Variants in TFEC observed in about 807,000 individuals in gnomAD.
The protein encoded by TFEC is transcription factor EC, also known as class E basic helix-loop-helix protein 34.
TFEC carries 31 observed loss-of-function variants against 41.6 expected under a neutral mutation model. The ratio of observed to expected loss-of-function variants is 0.74; its 90% CI spans 0.56 to 1.01. The LOEUF is 1.01. Among genes scored for constraint, TFEC ranks in the 50% least tolerant of loss-of-function variants. TFEC has a pLI of 0.00. For missense variants in TFEC, 402 were observed against 404.1 expected (o/e 0.99, Z 0.04); for synonymous variants, 143 against 140.6 (o/e 1.02, Z -0.12).
At chr7:116,149,400 G>C (rs915581106) in intron 1 of TFEC, among the ~76,000 whole-genome samples, 1 of 152,052 alleles carries the variant, frequency 6.6e-6, no homozygotes, top group Admixed American at 6.6e-5. Context: ...TAAACTATTA[G>C]AACTGAATCA....
At chr7:115,963,223 T>A (rs1041142019) in intron 3 of TFEC, among the ~76,000 whole-genome samples, 1 of 151,826 alleles carries the variant, frequency 6.6e-6, no homozygotes. Flanking sequence ...AATAAGCACA[T>A]GAAAAGATGC....
chr7:116,019,081 T>C (rs1795300607), intron 1 of TFEC, among the ~76,000 whole-genome samples: 1 of 151,680 alleles, frequency 6.6e-6, no homozygotes, highest in Admixed American at 6.6e-5. Flanking sequence ...AAATAGCCAA[T>C]GGATTAGGAG....
intron 1 of TFEC, among the ~76,000 whole-genome samples, chr7:116,144,865 C>T (rs1016172003): frequency 3.3e-5 from 5 of 152,150 alleles, no homozygotes; most frequent in African/African-American, 4.8e-5. Context: ...ACTGCAACAT[C>T]AGTTCTTACC....
chr7:116,126,900 G>T (rs1798221702), intron 1 of TFEC, among the ~76,000 whole-genome samples: 1 of 151,880 alleles, frequency 6.6e-6, no homozygotes, highest in African/African-American at 2.4e-5. Context: ...AGAGAATGAA[G>T]GACTCCTGAA....
intron 1 of TFEC, among the ~76,000 whole-genome samples, chr7:116,009,442 G>A (rs1794919484): frequency 6.6e-6 from 1 of 152,092 alleles, no homozygotes; most frequent in East Asian, 1.9e-4. Flanking sequence ...TGTGCTCACA[G>A]TTTAGCATTA....
At chr7:116,156,867 C>A (rs1798879292) in intron 1 of TFEC, among the ~76,000 whole-genome samples, 1 of 152,162 alleles carries the variant, frequency 6.6e-6, no homozygotes, top group Non-Finnish European at 1.5e-5. Flanking sequence ...ATTTTCACAT[C>A]CTGTGATCAA....
At chr7:116,107,757 A>G (rs1797754137) in intron 3 of TFEC, among the ~76,000 whole-genome samples, 1 of 152,172 alleles carries the variant, frequency 6.6e-6, no homozygotes, top group Non-Finnish European at 1.5e-5. Flanking sequence ...AAGCAGACAA[A>G]TAAGAACCAC....
chr7:116,154,911 T>C (rs1021323628), intron 1 of TFEC, among the ~76,000 whole-genome samples: 1 of 152,176 alleles, frequency 6.6e-6, no homozygotes, highest in Non-Finnish European at 1.5e-5. Flanking sequence ...TGGAAACCTT[T>C]CACAGGGGTC....
intron 3 of TFEC, among the ~76,000 whole-genome samples, chr7:116,092,345 C>A (rs1797347938): frequency 6.6e-6 from 1 of 152,120 alleles, no homozygotes; most frequent in Non-Finnish European, 1.5e-5. Flanking sequence ...CCTGAAGACT[C>A]CATTTGATTA....
chr7:116,012,074 T>A (rs1393975814), intron 1 of TFEC, among the ~76,000 whole-genome samples: 2 of 152,202 alleles, frequency 1.3e-5, no homozygotes, highest in Non-Finnish European at 2.9e-5. Flanking sequence ...ATAACTGTAT[T>A]TAAATAAGTT....
intron 3 of TFEC, among the ~76,000 whole-genome samples, chr7:116,045,621 C>T (rs1796145118): frequency 6.6e-6 from 1 of 152,212 alleles, no homozygotes; most frequent in South Asian, 2.1e-4. Context: ...AGGGGCAGGG[C>T]CCTCAAGGAG....
At chr7:116,051,848 A>G (rs10234739) in intron 3 of TFEC, among the ~76,000 whole-genome samples, 15,045 of 151,994 alleles carry the variant, frequency 0.099, 819 homozygotes, top group African/African-American at 0.13. Flanking sequence ...GTTATCATCT[A>G]CTTTTTTCAG....
rs940618007 is a variant in TFEC at position 116,114,000 on chromosome 7, C to G, written c.-68-1962G>C. On this transcript the variant is annotated intron_variant, in intron 1 of 8. Coordinates refer to the TFEC transcript ENST00000484212. The stretch of plus-strand genomic sequence containing the variant: ...GAGAAGTACATAGAATGGATGCTAT[C>G]CAAATAAGGGAGAAAAAAGTAAGTT... 4.0e-5 allele frequency among the ~76,000 whole-genome samples: 6 copies of G among 151,736 alleles called. No homozygotes were observed. In the South Asian group the frequency reaches 1.0e-3, roughly 26 times the overall value.
At chr7:115,980,456 G>A (rs191463392) in intron 2 of TFEC, among the ~76,000 whole-genome samples, 1 of 152,184 alleles carries the variant, frequency 6.6e-6, no homozygotes, top group Non-Finnish European at 1.5e-5. Context: ...TTTTAAAAAT[G>A]GAGATAATAG....
chr7:116,109,808 A>C (rs1371055676), intron 3 of TFEC, among the ~76,000 whole-genome samples: 4 of 152,206 alleles, frequency 2.6e-5, no homozygotes, highest in Non-Finnish European at 2.9e-5. Context: ...CACAATAGCA[A>C]AGACTTGGAA....
At chr7:115,947,852 C>A (rs1791691203) in intron 6 of TFEC, among the ~76,000 whole-genome samples, 1 of 151,838 alleles carries the variant, frequency 6.6e-6, no homozygotes, top group African/African-American at 2.4e-5. Flanking sequence ...AAAATCAGAG[C>A]AGAACTGAAG....
chr7:116,017,365 GCA>G (rs1474924104), intron 1 of TFEC, among the ~76,000 whole-genome samples: 2 of 151,960 alleles, frequency 1.3e-5, no homozygotes, highest in Admixed American at 6.6e-5. Flanking sequence ...GGGACTATAG[GCA>G]CACACACCAC....
chr7:116,040,215 T>G (rs1411501881), intron 3 of TFEC, among the ~76,000 whole-genome samples: 1 of 152,124 alleles, frequency 6.6e-6, no homozygotes, highest in Admixed American at 6.6e-5. Context: ...TCAATAAAAG[T>G]TGTCACCAAA....
chr7:115,986,919 A>G (rs1158081371), intron 1 of TFEC, among the ~76,000 whole-genome samples: 15 of 3,136 alleles, frequency 4.8e-3, no homozygotes, highest in Non-Finnish European at 0.025. Flanking sequence ...AAGTATATAT[A>G]AAAAAACATA....
Sources: allele counts gnomAD v4.1 joint callset (sites outside exome capture counted in the v4.1 genomes callset), GRCh38; gene constraint gnomAD v4.1.1; transcripts MANE v1.5; gene names NCBI Gene and HGNC (gene_info 2026-07-23, HGNC 2026-07-21).